The following CHD1 variants were observed in gnomAD, a reference collection of about 807,000 sequenced individuals.
CHD1 encodes the protein ATP-dependent chromatin remodeler CHD1.
A neutral mutation model predicts 224.2 loss-of-function variants in CHD1; 36 were observed. The observed-to-expected ratio is 0.16, with a 90% CI of 0.12 to 0.21. The LOEUF (loss-of-function observed/expected upper bound fraction) is 0.21. Among genes scored for constraint, CHD1 ranks in the 10% least tolerant of loss-of-function variants. CHD1 has a pLI of 1.00. For missense variants in CHD1, 1,378 were observed against 1,994.8 expected, an observed-to-expected ratio of 0.69 and a Z score of 5.89; for synonymous variants, 668 against 658.3, an observed-to-expected ratio of 1.01 and a Z score of -0.23.
At chr5:98,908,800 G>GAATA (rs70984333) in intron 2 of CHD1, among the ~76,000 whole-genome samples, 96,452 of 150,812 alleles carry the variant, frequency 0.64, 33,510 homozygotes, top group African/African-American at 0.92. Context: ...TACACCCACG[G>GAATA]AATAAATAAA....
rs1000178679 is a variant in CHD1 at position 98,910,162 on chromosome 5, T to C, written c.54-5064A>G. ...TTAGAGAAACTACATTAAGAATTCATGTAATTCAAATTCAAAACTGCAAGC... is the reference window on the plus strand; with the variant it reads ...TTAGAGAAACTACATTAAGAATTCACGTAATTCAAATTCAAAACTGCAAGC... On this transcript the variant is annotated intron_variant, in intron 2 of 35. Transcript: ENST00000614616. Among the ~76,000 whole-genome samples the C allele has an allele frequency of 3.3e-5, 5 of 152,184 alleles. No individual in the cohort carries two copies. The South Asian group carries it at 6.2e-4, about 19-fold the overall frequency.
intron 31 of CHD1, among the ~76,000 whole-genome samples, chr5:98,868,242 A>C (rs1446062449): frequency 2.0e-5 from 3 of 150,862 alleles, no homozygotes; most frequent in Admixed American, 6.6e-5. Context: ...CAGGAGGGGC[A>C]CTTGAGCCCA....
rs142135037 is a variant in CHD1 at position 98,861,120 on chromosome 5, T to TA, written c.4428-1053dup. Among the ~76,000 whole-genome samples the TA allele has an allele frequency of 9.2e-3, 1,401 of 152,320 alleles. 16 individuals carry two copies. The highest frequency in any genetic ancestry group is 0.026 in the South Asian group (124 of 4,828). ...CAGAGCTGAGGCAAGCGTCAGCACT[T>TA]ACACAAACCTAAGAATTAGTGCCTC... is the stretch of plus-strand genomic sequence containing the variant. On this transcript the variant is annotated intron_variant, in intron 32 of 35. Coordinates refer to ENST00000614616, the MANE Select transcript of CHD1 (RefSeq NM_001270.4).
At chr5:98,891,251 T>C (rs1321010101) in intron 15 of CHD1, among the ~76,000 whole-genome samples, 1 of 152,068 alleles carries the variant, frequency 6.6e-6, no homozygotes, top group African/African-American at 2.4e-5. Context: ...GTTTTTTGTA[T>C]CTTGAGTAGA....
At chr5:98,915,451 A>G (rs796678789) in intron 2 of CHD1, among the ~76,000 whole-genome samples, 23 of 152,278 alleles carry the variant, frequency 1.5e-4, no homozygotes, top group African/African-American at 5.5e-4. Context: ...ATGATTACTT[A>G]GTTGTGTTGA....
chr5:98,928,312 G>A (rs897076393), intron 1 of CHD1, among the ~76,000 whole-genome samples: 2 of 152,102 alleles, frequency 1.3e-5, no homozygotes, highest in Admixed American at 1.3e-4. Flanking sequence ...GCCGGGGCAG[G>A]GCCGCCGGGC....
At chr5:98,881,944 A>C (rs1750222376) in intron 20 of CHD1, 31 bp downstream of exon 20, 2 of 1,596,806 alleles carry the variant, frequency 1.3e-6, no homozygotes, top group Non-Finnish European at 1.7e-6. Context: ...CTGACTCTAA[A>C]ATGACATTTT....
chr5:98,926,657 G>A (rs1277998719), intron 1 of CHD1, 123 bp from the exon 2 acceptor site: 1 of 229,868 alleles, frequency 4.4e-6, no homozygotes, highest in Non-Finnish European at 8.3e-6. Flanking sequence ...AAGAAGTGGG[G>A]GCCTTTTATT....
intron 23 of CHD1, 61 bp from the exon 24 acceptor site, chr5:98,876,619 A>G: frequency 1.5e-6 from 2 of 1,366,178 alleles, no homozygotes; most frequent in East Asian, 4.6e-5. Context: ...TTAAGAGCAA[A>G]AACCATTATA....
chr5:98,872,554 A>G lies in CHD1; in HGVS notation c.3573T>C (p.Gly1191=). 1 of 1,611,784 alleles carries G rather than the reference A, an allele frequency of 6.2e-7. No homozygotes were observed. Among genetic ancestry groups the G allele is most frequent in the Non-Finnish European group, 8.5e-7 (1 of 1,179,364 alleles). ...GACCCTTCACTTTTCCGAGTCTACC[A>G]CCTTGATTTTTTTTAAAAAAACCAG... ...KDSSSGTERT[G]GRLGKVKGPT... The change falls in exon 27 of 36, where the codon GGT becomes GGC. Residue 1191 remains glycine, a splice_region_variant and synonymous_variant. Coordinates refer to ENST00000614616, the MANE Select transcript of CHD1 (RefSeq NM_001270.4).
intron 33 of CHD1, among the ~76,000 whole-genome samples, 182 bp downstream of exon 33, chr5:98,859,789 GC>G (rs1363796730): frequency 2.0e-5 from 3 of 151,934 alleles, no homozygotes; most frequent in Non-Finnish European, 4.4e-5. Flanking sequence ...CTGTTTTCTT[GC>G]CCATTAATTT....
intron 17 of CHD1, chr5:98,886,131 T>C (rs926687738): frequency 1.3e-5 from 2 of 152,642 alleles, no homozygotes; most frequent in Non-Finnish European, 2.9e-5. Context: ...AGAACATAGA[T>C]AAGCAAATTA....
intron 30 of CHD1, chr5:98,869,454 G>C (rs1346739053): frequency 3.4e-6 from 1 of 292,776 alleles, no homozygotes. Context: ...TCCCATTCAA[G>C]TTCATAATAC....
At position 98,902,475 on chromosome 5, in the gene CHD1, A is replaced by G. The variant is rs529934194; in HGVS notation, c.437+425T>C. On this transcript the variant is annotated intron_variant, in intron 5 of 35. Coordinates refer to ENST00000614616, the MANE Select transcript of CHD1 (RefSeq NM_001270.4). Reference sequence around the variant, plus strand: ...TGGGTCCAGATCTTTAGGAAATTACAGTGAGTTTCTAAAATGAGTTCTACG... The same window carrying G: ...TGGGTCCAGATCTTTAGGAAATTACGGTGAGTTTCTAAAATGAGTTCTACG... 4.6e-5 allele frequency among the ~76,000 whole-genome samples: 7 copies of G among 152,194 alleles called. No individual in the cohort carries two copies. The East Asian group carries it at 1.3e-3, about 29-fold the overall frequency.
At position 98,875,798 on chromosome 5, in the gene CHD1, A is replaced by G. The variant is rs113182691; in HGVS notation, c.3398+600T>C. ...AGAAACTTTCAAAATACAAAACTGA[A>G]TAAGATTTTAATAAATGTCATATCC... On this transcript the variant is annotated intron_variant, in intron 24 of 35. Coordinates refer to ENST00000614616, the MANE Select transcript of CHD1 (RefSeq NM_001270.4). 9.8e-5 allele frequency among the ~76,000 whole-genome samples: 15 copies of G among 152,322 alleles called. 1 individual carries two copies. The highest frequency in any genetic ancestry group is 3.6e-4 in the African/African-American group (15 of 41,586).
chr5:98,903,957 C>A, intron 3 of CHD1, 49 bp from the exon 4 acceptor site: 1 of 1,151,520 alleles, frequency 8.7e-7, no homozygotes, highest in Non-Finnish European at 1.3e-6. Flanking sequence ...AAGAAAACTG[C>A]AAAAAAAGGT....
At chr5:98,923,024 CAT>C (rs1481846524) in intron 2 of CHD1, among the ~76,000 whole-genome samples, 4 of 152,242 alleles carry the variant, frequency 2.6e-5, no homozygotes, top group African/African-American at 7.2e-5. Context: ...TATTAATATT[CAT>C]AGTTATAGAA....
At chr5:98,928,160 G>T (rs1018019851) in intron 1 of CHD1, among the ~76,000 whole-genome samples, 3 of 151,396 alleles carry the variant, frequency 2.0e-5, no homozygotes, top group African/African-American at 7.3e-5. Flanking sequence ...GCCCTCCCAG[G>T]CTCGCCCGAG....
intron 8 of CHD1, 123 bp downstream of exon 8, chr5:98,899,357 T>C: frequency 1.5e-6 from 1 of 653,648 alleles, no homozygotes; most frequent in South Asian, 2.1e-5. Context: ...GACAGCCAAC[T>C]GTATTATAAA....
Sources: gnomAD v4.1 joint callset for allele counts (sites outside exome capture counted in the v4.1 genomes callset) on GRCh38, gnomAD v4.1.1 for gene constraint, MANE v1.5 for transcripts, NCBI Gene and HGNC (gene_info 2026-07-23, HGNC 2026-07-21) for gene names.